Variants in CDH2 observed in about 807,000 individuals in gnomAD.
The protein encoded by CDH2 is cadherin-2.
CDH2 carries 17 observed loss-of-function variants against 92.0 expected under a neutral mutation model. That is an observed-to-expected ratio of 0.18 (90% CI 0.13 to 0.28). CDH2 has a LOEUF of 0.28. Among genes scored for constraint, CDH2 ranks in the 10% least tolerant of loss-of-function variants. The pLI is 1.00. For synonymous variants in CDH2, 419 were observed against 415.9 expected (o/e 1.01, Z -0.09); for missense variants, 862 against 1,133.1 (o/e 0.76, Z 3.44).
intron 2 of CDH2, among the ~76,000 whole-genome samples, chr18:28,084,905 T>G (rs1201804067): frequency 6.6e-6 from 1 of 152,144 alleles, no homozygotes; most frequent in Non-Finnish European, 1.5e-5. Context: ...CAGAGACTAT[T>G]CTAGATCATC....
At chr18:28,047,022 T>C (rs1194945146) in intron 2 of CDH2, among the ~76,000 whole-genome samples, 1 of 152,214 alleles carries the variant, frequency 6.6e-6, no homozygotes, top group African/African-American at 2.4e-5. Flanking sequence ...ATTACTGGAA[T>C]GTGCTGAAAA....
intron 2 of CDH2, among the ~76,000 whole-genome samples, chr18:28,064,297 T>C (rs1274701313): frequency 6.6e-6 from 1 of 152,102 alleles, no homozygotes; most frequent in African/African-American, 2.4e-5. Context: ...TTTTAAGAGA[T>C]AGGGTCTCAC....
At chr18:27,952,476 T>C (rs1224827508) in intron 15 of CDH2, 117 bp from the exon 16 acceptor site, 3 of 753,374 alleles carry the variant, frequency 4.0e-6, no homozygotes, top group Non-Finnish European at 6.7e-6. Flanking sequence ...TAAATTTCCA[T>C]TTACATACCA....
chr18:28,084,197 T>C (rs751732859), intron 2 of CDH2, among the ~76,000 whole-genome samples: 2 of 152,166 alleles, frequency 1.3e-5, no homozygotes, highest in Admixed American at 6.5e-5. Flanking sequence ...ACTCAGGCAG[T>C]GCGTATCACT....
chr18:28,109,724 C>G (rs140791761), intron 2 of CDH2, among the ~76,000 whole-genome samples: 3 of 152,150 alleles, frequency 2.0e-5, no homozygotes, highest in Non-Finnish European at 4.4e-5. Context: ...TTCTCTAACA[C>G]TTAAGTATAT....
intron 2 of CDH2, chr18:28,146,761 G>A (rs2016041502): frequency 6.6e-6 from 1 of 152,066 alleles, no homozygotes; most frequent in South Asian, 2.1e-4. Flanking sequence ...AGAGCTCTGT[G>A]TAAATTAATT....
intron 2 of CDH2, among the ~76,000 whole-genome samples, chr18:28,095,553 C>T (rs563676802): frequency 1.3e-5 from 2 of 152,228 alleles, no homozygotes; most frequent in Admixed American, 6.5e-5. Context: ...TGTGGTGGCT[C>T]ATGCCTGTAA....
intron 2 of CDH2, among the ~76,000 whole-genome samples, chr18:28,069,465 A>G (rs2014574499): frequency 6.6e-6 from 1 of 152,150 alleles, no homozygotes; most frequent in South Asian, 2.1e-4. Flanking sequence ...GTTTTGTTTC[A>G]TTCCAACTTT....
At position 27,992,663 on chromosome 18, in the gene CDH2, C is replaced by T. The variant is rs377069261; in HGVS notation, c.1336G>A (p.Val446Met). 37 of 1,610,772 alleles carry T rather than the reference C, an allele frequency of 2.3e-5. No homozygotes were observed. Among genetic ancestry groups the T allele is most frequent in the African/African-American group, 1.7e-4 (13 of 75,000 alleles). The change falls in exon 9 of 16, where the codon GTG becomes ATG. Residue 446 changes from valine to methionine, a missense_variant. By Grantham distance (21) the Val-to-Met change is conservative. This residue lies in a region of CDH2 where 564 missense variants were observed against 722.2 expected (regional missense o/e 0.78). Transcript: ENST00000269141. ...DPNSNDGLVTVVKPIDFETNR... is the reference protein window; with the variant it reads ...DPNSNDGLVTMVKPIDFETNR... ...GCCCGAGGAACACTTACTTTGACCA[C>T]GGTGACTAACCCGTCGTTGCTGTTT... is the stretch of plus-strand genomic sequence containing the variant.
intron 14 of CDH2, among the ~76,000 whole-genome samples, chr18:27,980,748 G>A (rs1350200590): frequency 6.7e-6 from 1 of 149,974 alleles, no homozygotes; most frequent in Non-Finnish European, 1.5e-5. Flanking sequence ...GGACTCGTGG[G>A]GAAGTAGATA....
chr18:27,997,910 C>T (rs1003674054), intron 7 of CDH2, among the ~76,000 whole-genome samples: 1 of 152,008 alleles, frequency 6.6e-6, no homozygotes, highest in African/African-American at 2.4e-5. Context: ...GGGTTCACGC[C>T]ATTCTCCTGC....
intron 1 of CDH2, among the ~76,000 whole-genome samples, chr18:28,175,314 T>G (rs978876777): frequency 6.6e-6 from 1 of 152,046 alleles, no homozygotes; most frequent in African/African-American, 2.4e-5. Flanking sequence ...GAGAGCCGAG[T>G]GGCGGATGGC....
At chr18:28,007,596 TTAATA>T (rs2012976990) in intron 5 of CDH2, among the ~76,000 whole-genome samples, 1 of 152,232 alleles carries the variant, frequency 6.6e-6, no homozygotes, top group Non-Finnish European at 1.5e-5. Context: ...CTTGGCTTAT[TTAATA>T]TCTTACATTA....
At chr18:28,159,532 G>A (rs1209476971) in intron 1 of CDH2, among the ~76,000 whole-genome samples, 1 of 152,146 alleles carries the variant, frequency 6.6e-6, no homozygotes, top group African/African-American at 2.4e-5. Flanking sequence ...TCAGCACTTG[G>A]TGAACTATCT....
chr18:27,991,296 G>A (rs186938432), intron 9 of CDH2, among the ~76,000 whole-genome samples: 6 of 152,280 alleles, frequency 3.9e-5, no homozygotes, highest in African/African-American at 7.2e-5. Flanking sequence ...GAGAGGTGAC[G>A]CTCATAAGAA....
At chr18:28,074,738 C>G (rs1284285345) in intron 2 of CDH2, among the ~76,000 whole-genome samples, 1 of 144,118 alleles carries the variant, frequency 6.9e-6, no homozygotes, top group African/African-American at 2.6e-5. Flanking sequence ...CTTTGTTGAA[C>G]AGCTTTCTCC....
At chr18:28,072,354 A>G (rs541574571) in intron 2 of CDH2, among the ~76,000 whole-genome samples, 1 of 152,222 alleles carries the variant, frequency 6.6e-6, no homozygotes, top group South Asian at 2.1e-4. Flanking sequence ...CTTGTCCTGC[A>G]CTGGAGCGCC....
intron 2 of CDH2, among the ~76,000 whole-genome samples, chr18:28,078,859 C>A (rs1318541530): frequency 1.3e-5 from 2 of 152,148 alleles, no homozygotes; most frequent in African/African-American, 4.8e-5. Flanking sequence ...GCTTATTTCA[C>A]ATTTGGTTGA....
At chr18:28,164,325 T>C (rs2016347821) in intron 1 of CDH2, among the ~76,000 whole-genome samples, 1 of 152,120 alleles carries the variant, frequency 6.6e-6, no homozygotes, top group Non-Finnish European at 1.5e-5. Flanking sequence ...AATATGTAAA[T>C]TGGGTATATT....
Sources: allele counts gnomAD v4.1 joint callset (sites outside exome capture counted in the v4.1 genomes callset), GRCh38; gene constraint gnomAD v4.1.1; regional missense constraint gnomAD v4.1.1; transcripts MANE v1.5; gene names NCBI Gene and HGNC (gene_info 2026-07-23, HGNC 2026-07-21).